The following HDAC9 variants were observed in gnomAD, a reference collection of about 807,000 sequenced individuals.
The protein encoded by HDAC9 is MEF-2 interacting transcription repressor (MITR) protein.
HDAC9 carries 41 observed loss-of-function variants against 139.4 expected under a neutral mutation model. That is an observed-to-expected ratio of 0.29 (90% CI 0.23 to 0.38). The LOEUF is 0.38. HDAC9 is among the 10% of genes least tolerant of loss of function. HDAC9 has a pLI of 1.00. For missense variants in HDAC9, 1,147 were observed against 1,297.0 expected, an observed-to-expected ratio of 0.88 and a Z score of 1.78; for synonymous variants, 517 against 476.2, an observed-to-expected ratio of 1.09 and a Z score of -1.12.
intron 3 of HDAC9, among the ~76,000 whole-genome samples, chr7:18,586,615 T>A (rs1583721418): frequency 1.4e-5 from 2 of 145,418 alleles, no homozygotes; most frequent in South Asian, 4.1e-4. Flanking sequence ...AAATGCTATC[T>A]TCTTCTCTAT....
intron 2 of HDAC9, among the ~76,000 whole-genome samples, chr7:18,283,297 T>G (rs1797222521): frequency 6.6e-6 from 1 of 152,132 alleles, no homozygotes; most frequent in South Asian, 2.1e-4. Context: ...CCAGATCTTC[T>G]GAGAACTCAC....
intron 2 of HDAC9, among the ~76,000 whole-genome samples, chr7:18,544,024 G>A (rs78674957): frequency 0.017 from 2,595 of 152,250 alleles, 81 homozygotes; most frequent in African/African-American, 0.058. Context: ...TTTAATTTAA[G>A]TGTGTAGAAT....
chr7:18,968,094 G>A (rs933740692), intron 24 of HDAC9, among the ~76,000 whole-genome samples: 1 of 151,988 alleles, frequency 6.6e-6, no homozygotes, highest in East Asian at 1.9e-4. Context: ...CCCGGGAGGC[G>A]GAGGATGCAG....
At chr7:18,446,301 G>A (rs1792286700) in intron 1 of HDAC9, among the ~76,000 whole-genome samples, 2 of 152,208 alleles carry the variant, frequency 1.3e-5, no homozygotes, top group Admixed American at 1.3e-4. Flanking sequence ...CTAGGTTGGT[G>A]TGTATGACAT....
intron 13 of HDAC9, among the ~76,000 whole-genome samples, chr7:18,748,584 A>G (rs1309517165): frequency 6.6e-6 from 1 of 152,204 alleles, no homozygotes; most frequent in Non-Finnish European, 1.5e-5. Flanking sequence ...GACTCATGGA[A>G]GATTTAAAGA....
At chr7:18,749,185 G>T (rs1337627594) in intron 14 of HDAC9, 47 bp downstream of exon 14, 1 of 1,584,988 alleles carries the variant, frequency 6.3e-7, no homozygotes. Flanking sequence ...AATAAATCAT[G>T]TAAAGAGGCC....
intron 1 of HDAC9, among the ~76,000 whole-genome samples, chr7:18,356,357 G>GCTTTTT (rs1562911066): frequency 7.3e-5 from 2 of 27,326 alleles, no homozygotes; most frequent in African/African-American, 2.2e-4. Context: ...GCAGCACATA[G>GCTTTTT]GTTTTTTTTT....
intron 8 of HDAC9, among the ~76,000 whole-genome samples, chr7:18,643,697 C>T (rs1457572851): frequency 6.6e-6 from 1 of 152,042 alleles, no homozygotes; most frequent in Non-Finnish European, 1.5e-5. Flanking sequence ...ATTATATTTA[C>T]TTTAGTCAAA....
intron 21 of HDAC9, among the ~76,000 whole-genome samples, chr7:18,867,429 A>C (rs1277045427): frequency 6.6e-6 from 1 of 152,196 alleles, no homozygotes; most frequent in Non-Finnish European, 1.5e-5. Context: ...ATTGAACATA[A>C]ATTTCTGAGC....
At chr7:18,516,840 G>A (rs1341005808) in intron 2 of HDAC9, among the ~76,000 whole-genome samples, 2 of 132,448 alleles carry the variant, frequency 1.5e-5, no homozygotes, top group Non-Finnish European at 3.1e-5. Context: ...CAGCCTGGGT[G>A]ACAGAGTCAG....
chr7:18,921,881 T>G (rs963302226), intron 22 of HDAC9, among the ~76,000 whole-genome samples: 9 of 152,218 alleles, frequency 5.9e-5, no homozygotes, highest in African/African-American at 2.2e-4. Flanking sequence ...ATATGCACTA[T>G]GGAATACTAT....
intron 12 of HDAC9, among the ~76,000 whole-genome samples, chr7:18,676,166 G>T (rs924183035): frequency 6.6e-6 from 1 of 151,604 alleles, no homozygotes; most frequent in African/African-American, 2.4e-5. Flanking sequence ...GCCTATAGGG[G>T]GTTCTCTTGT....
chr7:18,542,145 C>T (rs1813195798), intron 2 of HDAC9, among the ~76,000 whole-genome samples: 1 of 152,174 alleles, frequency 6.6e-6, no homozygotes, highest in Admixed American at 6.5e-5. Flanking sequence ...ATAAAATCAT[C>T]TCTATTCACG....
chr7:18,501,517 C>T (rs2128156592), intron 2 of HDAC9, among the ~76,000 whole-genome samples: 1 of 152,264 alleles, frequency 6.6e-6, no homozygotes, highest in Admixed American at 6.5e-5. Context: ...CCTTCAACTG[C>T]AGTTTTAAAT....
chr7:18,793,571 G>A (rs1355612172), intron 17 of HDAC9, 119 bp downstream of exon 17: 2 of 710,724 alleles, frequency 2.8e-6, no homozygotes, highest in East Asian at 2.7e-5. Flanking sequence ...AGAAGGAAGA[G>A]GGTAGAGATG....
At chr7:18,859,660 A>T (rs2129231911) in intron 21 of HDAC9, among the ~76,000 whole-genome samples, 1 of 151,746 alleles carries the variant, frequency 6.6e-6, no homozygotes, top group African/African-American at 2.4e-5. Flanking sequence ...AGTTCCTTGA[A>T]AAGGATGTCA....
intron 22 of HDAC9, among the ~76,000 whole-genome samples, chr7:18,878,089 C>G (rs1799455080): frequency 6.6e-6 from 1 of 152,150 alleles, no homozygotes; most frequent in Non-Finnish European, 1.5e-5. Flanking sequence ...CTTCAGGTTA[C>G]AGCTTAATCA....
chr7:18,885,879 C>A (rs959721459), intron 22 of HDAC9, among the ~76,000 whole-genome samples: 1 of 152,116 alleles, frequency 6.6e-6, no homozygotes, highest in Non-Finnish European at 1.5e-5. Flanking sequence ...GAATCAAGGA[C>A]TTACTCTTTG....
At chr7:18,091,806 C>T (rs1330372304) in intron 1 of HDAC9, among the ~76,000 whole-genome samples, 4 of 152,200 alleles carry the variant, frequency 2.6e-5, no homozygotes, top group Non-Finnish European at 4.4e-5. Flanking sequence ...CTCATAGTGG[C>T]TGTAGGACTG....
Sources: allele counts gnomAD v4.1 joint callset (sites outside exome capture counted in the v4.1 genomes callset), GRCh38; gene constraint gnomAD v4.1.1; transcripts MANE v1.5; gene names NCBI Gene and HGNC (gene_info 2026-07-23, HGNC 2026-07-21).